ARHGEF28: variants seen among roughly 807,000 people sequenced by gnomAD.
The protein encoded by ARHGEF28 is 190 kDa guanine nucleotide exchange factor.
Under a neutral mutation model 206.6 loss-of-function variants are expected in ARHGEF28, and 152 were observed. That is an observed-to-expected ratio of 0.74 (90% CI 0.64 to 0.84). ARHGEF28 has a LOEUF of 0.84. Ranked by LOEUF, ARHGEF28 falls within the 40% of genes least tolerant of loss-of-function variation. The pLI is 0.00. For synonymous variants in ARHGEF28, 763 were observed against 776.4 expected, an observed-to-expected ratio of 0.98 and a Z score of 0.29; for missense variants, 2,028 against 2,073.2, an observed-to-expected ratio of 0.98 and a Z score of 0.42.
At chr5:73,839,299 C>A (rs1281700107) in intron 10 of ARHGEF28, among the ~76,000 whole-genome samples, 1 of 152,128 alleles carries the variant, frequency 6.6e-6, no homozygotes, top group Non-Finnish European at 1.5e-5. Flanking sequence ...TTGTAAATAT[C>A]CTGTTGCTCA....
intron 9 of ARHGEF28, among the ~76,000 whole-genome samples, chr5:73,796,959 C>T (rs1754859571): frequency 6.6e-6 from 1 of 152,132 alleles, no homozygotes; most frequent in African/African-American, 2.4e-5. Context: ...AGGTAGGCTA[C>T]TAAAAGTATT....
chr5:73,662,956 A>C (rs751209053), intron 1 of ARHGEF28, among the ~76,000 whole-genome samples: 2 of 152,056 alleles, frequency 1.3e-5, no homozygotes, highest in Non-Finnish European at 2.9e-5. Flanking sequence ...TTCTTTTTTA[A>C]AAAATTGTTA....
chr5:73,813,891 A>G (rs919966277), intron 9 of ARHGEF28, among the ~76,000 whole-genome samples: 2 of 148,604 alleles, frequency 1.3e-5, no homozygotes, highest in Non-Finnish European at 3.0e-5. Context: ...TGGTGTTATT[A>G]TGTATGTGCA....
chr5:73,691,296 T>TACAC (rs57854737), intron 2 of ARHGEF28, among the ~76,000 whole-genome samples: 2,785 of 149,732 alleles, frequency 0.019, 32 homozygotes, highest in African/African-American at 0.046. Context: ...GGCAAATGTG[T>TACAC]ACACACACAC....
At chr5:73,794,678 C>A (rs910223942) in intron 8 of ARHGEF28, among the ~76,000 whole-genome samples, 2 of 150,598 alleles carry the variant, frequency 1.3e-5, no homozygotes, top group African/African-American at 4.9e-5. Context: ...ACGATCTTGG[C>A]TCACTGCAAC....
intron 4 of ARHGEF28, among the ~76,000 whole-genome samples, chr5:73,769,124 G>A (rs765770565): frequency 2.0e-5 from 3 of 151,934 alleles, no homozygotes; most frequent in Non-Finnish European, 4.4e-5. Flanking sequence ...GTCTTTATCA[G>A]CAGCATGAAA....
intron 1 of ARHGEF28, among the ~76,000 whole-genome samples, chr5:73,658,826 CATCTGGGGAATTTTGCATAGT>C (rs1475316313): frequency 1.3e-5 from 2 of 152,170 alleles, no homozygotes; most frequent in Admixed American, 1.3e-4. Context: ...GCACATTCCA[CATCTGGGGAATTTTGCATAGT>C]ATCTGTGTTT....
Position 73,897,658 on chromosome 5 carries a change from G to A in ARHGEF28, c.3842-304G>A, listed in dbSNP as rs7706437. Among the ~76,000 whole-genome samples the A allele has an allele frequency of 0.041, 6,189 of 152,232 alleles. 307 individuals are homozygous for A. The highest frequency in any genetic ancestry group is 0.11 in the African/African-American group (4,630 of 41,530). ...TTTTCTATTGAGTTAATTCTCTGTCGTAAAATGATGCTAAAAGTATTGGTC... is the reference window on the plus strand; with the variant it reads ...TTTTCTATTGAGTTAATTCTCTGTCATAAAATGATGCTAAAAGTATTGGTC... On this transcript the variant is annotated intron_variant, in intron 29 of 35. Coordinates refer to ENST00000513042, the MANE Select transcript of ARHGEF28 (RefSeq NM_001177693.2).
At chr5:73,814,196 GA>G (rs1241740249) in intron 9 of ARHGEF28, among the ~76,000 whole-genome samples, 5 of 151,836 alleles carry the variant, frequency 3.3e-5, no homozygotes, top group South Asian at 2.1e-4. Context: ...GAAAGGAGTT[GA>G]AAAAAATACT....
chr5:73,703,050 A>C (rs1181220596), intron 2 of ARHGEF28, among the ~76,000 whole-genome samples: 3 of 152,212 alleles, frequency 2.0e-5, no homozygotes, highest in Non-Finnish European at 4.4e-5. Flanking sequence ...TAATCTAAAA[A>C]GTTACCTGAA....
chr5:73,627,902 T>G, intron 1 of ARHGEF28, among the ~76,000 whole-genome samples: 1 of 152,128 alleles, frequency 6.6e-6, no homozygotes, highest in Non-Finnish European at 1.5e-5. Flanking sequence ...TTTTTTTTCC[T>G]TATCAAAACC....
At chr5:73,857,842 T>A (rs935173622) in intron 15 of ARHGEF28, 63 bp downstream of exon 15, 35 of 1,522,264 alleles carry the variant, frequency 2.3e-5, no homozygotes, top group Non-Finnish European at 2.7e-5. Context: ...CAGCAGTTAG[T>A]ATAATTTCCA....
At chr5:73,758,081 T>C (rs10474399) in intron 4 of ARHGEF28, among the ~76,000 whole-genome samples, 52,721 of 151,914 alleles carry the variant, frequency 0.35, 10,334 homozygotes, top group African/African-American at 0.53. Flanking sequence ...AGTAGCTTGA[T>C]ATGGCTGGCA....
intron 4 of ARHGEF28, among the ~76,000 whole-genome samples, chr5:73,755,411 C>G (rs1351714225): frequency 6.6e-6 from 1 of 152,050 alleles, no homozygotes; most frequent in Non-Finnish European, 1.5e-5. Flanking sequence ...GGGGCAGATG[C>G]AGGTTAGTCC....
rs915724925 is a variant in ARHGEF28, at chr5:73,898,226, CTG to C, written c.3973+134_3973+135del. On this transcript the variant is annotated intron_variant, in intron 30 of 35. Transcript: ENST00000513042. ...TATATTTTTTTAAATTAGAAAAAAA[CTG>C]AGAATAAATATGCTAGCCTAAATGA... 38 of 1,124,512 alleles carry C rather than the reference CTG, an allele frequency of 3.4e-5. No homozygotes were observed. In the African/African-American group the frequency reaches 5.1e-4, roughly 15 times the overall value. The allele number at this position is 1,124,512 out of a possible 1,614,324, so 69.7% of individuals were successfully genotyped here.
intron 10 of ARHGEF28, among the ~76,000 whole-genome samples, chr5:73,834,251 A>G (rs778035200): frequency 6.6e-6 from 1 of 152,190 alleles, no homozygotes; most frequent in East Asian, 1.9e-4. Context: ...ATTATTAACT[A>G]TAGTCACCAT....
intron 16 of ARHGEF28, among the ~76,000 whole-genome samples, chr5:73,860,974 C>T (rs781432292): frequency 1.3e-4 from 20 of 152,208 alleles, no homozygotes; most frequent in Non-Finnish European, 2.2e-4. Flanking sequence ...CAGTTTCCCC[C>T]ACTCCTCTGC....
chr5:73,899,487 G>A (rs1391517165), intron 30 of ARHGEF28: 2 of 152,334 alleles, frequency 1.3e-5, no homozygotes, highest in Non-Finnish European at 2.9e-5. Flanking sequence ...CTCTTTAGAG[G>A]GGTCTGATGT....
At chr5:73,904,695 G>A in intron 33 of ARHGEF28, 1 of 377,650 alleles carries the variant, frequency 2.6e-6, no homozygotes, top group Non-Finnish European at 4.7e-6. Flanking sequence ...TCTTAGGTGA[G>A]TGTAGCATGA....
Sources: allele counts gnomAD v4.1 joint callset (sites outside exome capture counted in the v4.1 genomes callset), GRCh38; gene constraint gnomAD v4.1.1; transcripts MANE v1.5; gene names NCBI Gene and HGNC (gene_info 2026-07-23, HGNC 2026-07-21).